The following CLVS1 variants were observed in gnomAD, a reference collection of about 807,000 sequenced individuals.
CLVS1 encodes clavesin 1, also known as clavesin-1.
Under a neutral mutation model 33.1 loss-of-function variants are expected in CLVS1, and 10 were observed. That is an observed-to-expected ratio of 0.30 (90% CI 0.19 to 0.51). The LOEUF is 0.51. Ranked by LOEUF, CLVS1 falls within the 20% of genes least tolerant of loss-of-function variation. The pLI is 0.97. For synonymous variants in CLVS1, 163 were observed against 166.1 expected (o/e 0.98, Z 0.14); for missense variants, 343 against 433.4 (o/e 0.79, Z 1.85).
chr8:61,327,667 C>T (rs1811434030), intron 2 of CLVS1, among the ~76,000 whole-genome samples: 1 of 152,172 alleles, frequency 6.6e-6, no homozygotes, highest in Non-Finnish European at 1.5e-5. Flanking sequence ...TGTTCAAATG[C>T]ATTTTTCTCT....
At chr8:61,170,765 A>G (rs78334294) in intron 2 of CLVS1, among the ~76,000 whole-genome samples, 3,999 of 152,306 alleles carry the variant, frequency 0.026, 167 homozygotes, top group African/African-American at 0.09. Flanking sequence ...TTCCAAAACT[A>G]TGATTATTAA....
chr8:60,967,736 G>C, the CLVS1 span: 5 of 454,432 alleles, frequency 1.1e-5, no homozygotes, highest in Non-Finnish European at 2.2e-5. Context: ...ATTTGGCCAG[G>C]AGGAAGCATC....
At chr8:61,367,450 C>A (rs1032033428) in intron 2 of CLVS1, among the ~76,000 whole-genome samples, 1 of 152,204 alleles carries the variant, frequency 6.6e-6, no homozygotes, top group Non-Finnish European at 1.5e-5. Flanking sequence ...CAAACCTCCC[C>A]ATTTCTCATG....
At chr8:61,105,045 G>A (rs1364544627) in intron 1 of CLVS1, among the ~76,000 whole-genome samples, 2 of 152,012 alleles carry the variant, frequency 1.3e-5, no homozygotes, top group Admixed American at 6.6e-5. Flanking sequence ...GGCCAGGCTG[G>A]TCTTGAACTC....
chr8:61,068,403 G>C (rs1217734938), intron 1 of CLVS1, among the ~76,000 whole-genome samples: 2 of 151,864 alleles, frequency 1.3e-5, no homozygotes, highest in African/African-American at 4.8e-5. Context: ...TCCTCAAGAA[G>C]GAGAGACACA....
At chr8:61,323,287 C>A (rs1238961063) in intron 2 of CLVS1, among the ~76,000 whole-genome samples, 1 of 152,112 alleles carries the variant, frequency 6.6e-6, no homozygotes, top group Admixed American at 6.6e-5. Context: ...AAAGCAGAAG[C>A]TTTGAGGCCG....
At chr8:61,368,260 G>C (rs1003181444) in intron 2 of CLVS1, among the ~76,000 whole-genome samples, 19 of 152,194 alleles carry the variant, frequency 1.2e-4, no homozygotes, top group African/African-American at 4.6e-4. Context: ...TATCCAGGCA[G>C]ATTGGAATTT....
Position 61,473,615 on chromosome 8 carries a change from A to T in CLVS1, c.977+15073A>T, listed in dbSNP as rs188631463. Among the ~76,000 whole-genome samples the T allele has an allele frequency of 2.0e-5, 3 of 152,324 alleles. No individual in the cohort carries two copies. The East Asian group carries it at 5.8e-4, about 29-fold the overall frequency. ...AAAGAAGGCTGTATGAGACTACAGTAATGGTGCATGTAGGAGATCATTGTA... is the reference window on the plus strand; with the variant it reads ...AAAGAAGGCTGTATGAGACTACAGTTATGGTGCATGTAGGAGATCATTGTA... On this transcript the variant is annotated intron_variant, in intron 5 of 5. Transcript: ENST00000325897.
intron 3 of CLVS1, among the ~76,000 whole-genome samples, chr8:61,382,312 C>A (rs1813912245): frequency 6.6e-6 from 1 of 152,166 alleles, no homozygotes; most frequent in African/African-American, 2.4e-5. Flanking sequence ...TGCAGACATC[C>A]TGACTCGTGG....
chr8:61,267,278 T>C (rs1482723281), intron 2 of CLVS1, among the ~76,000 whole-genome samples: 1 of 152,142 alleles, frequency 6.6e-6, no homozygotes, highest in Non-Finnish European at 1.5e-5. Flanking sequence ...ATTATTATTA[T>C]TATTTTTTAA....
chr8:61,244,822 C>A (rs777958414), intron 2 of CLVS1, among the ~76,000 whole-genome samples: 1 of 152,020 alleles, frequency 6.6e-6, no homozygotes, highest in Non-Finnish European at 1.5e-5. Context: ...TGATTTTAAT[C>A]TTTTAAAATT....
At chr8:61,337,531 C>T (rs895064082) in intron 2 of CLVS1, among the ~76,000 whole-genome samples, 1 of 152,222 alleles carries the variant, frequency 6.6e-6, no homozygotes, top group East Asian at 1.9e-4. Context: ...TCCGCCCTTC[C>T]AAAAGCACAA....
At chr8:61,189,843 C>T (rs1450502500) in intron 2 of CLVS1, among the ~76,000 whole-genome samples, 1 of 152,168 alleles carries the variant, frequency 6.6e-6, no homozygotes, top group Non-Finnish European at 1.5e-5. Context: ...TATCTATGCA[C>T]CCAATACAGG....
chr8:61,196,165 C>T (rs191434514), intron 2 of CLVS1, among the ~76,000 whole-genome samples: 1 of 152,212 alleles, frequency 6.6e-6, no homozygotes, highest in Non-Finnish European at 1.5e-5. Context: ...CTATTATGTG[C>T]CAGGAGCTCT....
At chr8:61,002,847 G>C in the CLVS1 span, among the ~76,000 whole-genome samples, 1 of 152,158 alleles carries the variant, frequency 6.6e-6, no homozygotes, top group Non-Finnish European at 1.5e-5. Flanking sequence ...ATCATATATG[G>C]TGGAGGGTCT....
At chr8:61,071,016 A>C (rs1446503040) in intron 1 of CLVS1, among the ~76,000 whole-genome samples, 2 of 152,184 alleles carry the variant, frequency 1.3e-5, no homozygotes, top group East Asian at 1.9e-4. Flanking sequence ...CTGTCTACAG[A>C]ACCAACATCC....
intron 2 of CLVS1, among the ~76,000 whole-genome samples, chr8:61,218,939 C>T (rs754297650): frequency 7.2e-5 from 11 of 152,002 alleles, no homozygotes; most frequent in Non-Finnish European, 1.2e-4. Flanking sequence ...AGTGAAACTT[C>T]GTCTCAAATA....
At chr8:61,052,058 G>C in the CLVS1 span, among the ~76,000 whole-genome samples, 1 of 152,234 alleles carries the variant, frequency 6.6e-6, no homozygotes, top group Non-Finnish European at 1.5e-5. Context: ...CCATCAGTGA[G>C]GGGGACTCAG....
At chr8:61,100,765 G>A (rs1414586266) in intron 1 of CLVS1, among the ~76,000 whole-genome samples, 1 of 151,942 alleles carries the variant, frequency 6.6e-6, no homozygotes, top group Non-Finnish European at 1.5e-5. Context: ...CAACCCTAGG[G>A]AACCACAATT....
Sources: gnomAD v4.1 joint callset for allele counts (sites outside exome capture counted in the v4.1 genomes callset) on GRCh38, gnomAD v4.1.1 for gene constraint, MANE v1.5 for transcripts, NCBI Gene and HGNC (gene_info 2026-07-23, HGNC 2026-07-21) for gene names.